GATA4: variants seen among roughly 807,000 people sequenced by gnomAD.
The protein encoded by GATA4 is GATA binding protein 4.
A neutral mutation model predicts 37.9 loss-of-function variants in GATA4; 7 were observed. That is an observed-to-expected ratio of 0.18 (90% CI 0.11 to 0.35). The LOEUF is 0.35. Among genes scored for constraint, GATA4 ranks in the 10% least tolerant of loss-of-function variants. GATA4 has a pLI of 1.00. For missense variants in GATA4, 647 were observed against 653.0 expected, an observed-to-expected ratio of 0.99 and a Z score of 0.10; for synonymous variants, 372 against 292.6, an observed-to-expected ratio of 1.27 and a Z score of -2.77.
chr8:11,739,005 G>C (rs1442172115), intron 2 of GATA4, among the ~76,000 whole-genome samples: 12 of 152,264 alleles, frequency 7.9e-5, no homozygotes, highest in African/African-American at 2.9e-4. Context: ...GGGAGGAACA[G>C]TTGGTGCCAC....
chr8:11,725,622 AG>A (rs1563211152), intron 2 of GATA4, among the ~76,000 whole-genome samples: 1 of 152,152 alleles, frequency 6.6e-6, no homozygotes, highest in Non-Finnish European at 1.5e-5. Context: ...GGGATGGCCA[AG>A]GTTCGTGAAA....
chr8:11,695,064 T>C (rs960680998), intron 1 of GATA4, among the ~76,000 whole-genome samples: 1 of 152,222 alleles, frequency 6.6e-6, no homozygotes, highest in Non-Finnish European at 1.5e-5. Flanking sequence ...CCCATCCATG[T>C]GAACATCGTG....
intron 2 of GATA4, among the ~76,000 whole-genome samples, chr8:11,728,355 A>G (rs531069264): frequency 5.3e-5 from 8 of 152,282 alleles, no homozygotes; most frequent in African/African-American, 1.9e-4. Context: ...TGAAAATAGT[A>G]TCTTTTTTGT....
chr8:11,686,720 C>T (rs921361845), intron 1 of GATA4, among the ~76,000 whole-genome samples: 9 of 152,192 alleles, frequency 5.9e-5, no homozygotes, highest in Non-Finnish European at 1.0e-4. Flanking sequence ...AATCCTCAGG[C>T]TGGGCGCAGT....
In GATA4 at chr8:11,749,653, G is replaced by T. The variant is rs950865716; in HGVS notation, c.787-458G>T. ...ACCAGCTTGCACTATATTAAGGAGGGAAGAACAGAGGGGATAAACCTGGTG... is the reference window on the plus strand; with the variant it reads ...ACCAGCTTGCACTATATTAAGGAGGTAAGAACAGAGGGGATAAACCTGGTG... On this transcript the variant is annotated intron_variant, in intron 3 of 6. Coordinates refer to ENST00000532059, the MANE Select transcript of GATA4 (RefSeq NM_001308093.3). This position sits in a 1 kb window ranked among gnomAD's most constrained non-coding sequence, Gnocchi z 4.6. 1.3e-5 allele frequency among the ~76,000 whole-genome samples: 2 copies of T among 152,208 alleles called. No individual in the cohort carries two copies. The highest frequency in any genetic ancestry group is 3.8e-4 in the East Asian group (2 of 5,202).
chr8:11,684,376 A>G (rs1335066920), intron 1 of GATA4, among the ~76,000 whole-genome samples: 1 of 152,260 alleles, frequency 6.6e-6, no homozygotes, highest in Non-Finnish European at 1.5e-5. Flanking sequence ...AATAAGGTGC[A>G]GGAATGTGCT....
At chr8:11,719,448 A>C (rs1227634937) in intron 2 of GATA4, among the ~76,000 whole-genome samples, 4 of 152,178 alleles carry the variant, frequency 2.6e-5, no homozygotes. Flanking sequence ...AAAAAAGAAA[A>C]TGCTTTCCAG....
intron 2 of GATA4, among the ~76,000 whole-genome samples, chr8:11,736,993 G>A (rs1419227876): frequency 6.6e-6 from 1 of 151,924 alleles, no homozygotes; most frequent in East Asian, 1.9e-4. Flanking sequence ...ACTGAACTTA[G>A]AACTAAACAG....
At chr8:11,681,937 C>T (rs891155946) in intron 1 of GATA4, among the ~76,000 whole-genome samples, 2 of 152,160 alleles carry the variant, frequency 1.3e-5, no homozygotes, top group Non-Finnish European at 2.9e-5. Flanking sequence ...GAGATCCTTG[C>T]CCCTCACAAT....
At chr8:11,723,538 C>A (rs1251530057) in intron 2 of GATA4, among the ~76,000 whole-genome samples, 1 of 152,100 alleles carries the variant, frequency 6.6e-6, no homozygotes, top group Non-Finnish European at 1.5e-5. Flanking sequence ...TATGAGTTTT[C>A]TCTTGCCAGG....
intron 2 of GATA4, among the ~76,000 whole-genome samples, chr8:11,710,192 CTGAT>C (rs1467990630): frequency 6.6e-6 from 1 of 152,160 alleles, no homozygotes; most frequent in Admixed American, 6.5e-5. Flanking sequence ...CGCCGGCAAA[CTGAT>C]TAACCCTGAA....
At chr8:11,734,158 T>C (rs906060992) in intron 2 of GATA4, among the ~76,000 whole-genome samples, 4 of 152,178 alleles carry the variant, frequency 2.6e-5, no homozygotes, top group Non-Finnish European at 5.9e-5. Flanking sequence ...CTAAAATATA[T>C]CTCCTATATC....
At chr8:11,733,031 G>T (rs1169533635) in intron 2 of GATA4, among the ~76,000 whole-genome samples, 3 of 152,056 alleles carry the variant, frequency 2.0e-5, no homozygotes, top group Non-Finnish European at 2.9e-5. Context: ...AATGAGATAG[G>T]AAAGAAAGCG....
chr8:11,688,109 T>C (rs991563906), upstream of GATA4, among the ~76,000 whole-genome samples: 5 of 152,214 alleles, frequency 3.3e-5, no homozygotes, highest in Non-Finnish European at 7.3e-5. Flanking sequence ...GAATTATTCA[T>C]CTCTCATTTA....
chr8:11,756,903 G>T (rs1240030040), intron 5 of GATA4, 32 bp from the exon 6 acceptor site: 1 of 1,614,082 alleles, frequency 6.2e-7, no homozygotes, highest in East Asian at 2.2e-5. Flanking sequence ...CCCTGCCGCT[G>T]ATTTGGGTGT....
chr8:11,744,190 C>T (rs2130282460), intron 2 of GATA4, among the ~76,000 whole-genome samples: 1 of 152,286 alleles, frequency 6.6e-6, no homozygotes, highest in South Asian at 2.1e-4. Context: ...TCCCCTCCTC[C>T]AATAACCAGC....
chr8:11,692,680 G>C, intron 1 of GATA4: 2 of 985,218 alleles, frequency 2.0e-6, no homozygotes, highest in Non-Finnish European at 2.4e-6. Flanking sequence ...GGGGTGCGGG[G>C]GTGAGGGGTG....
chr8:11,699,599 G>A (rs753068490), upstream of GATA4, among the ~76,000 whole-genome samples: 2 of 152,236 alleles, frequency 1.3e-5, no homozygotes, highest in Non-Finnish European at 2.9e-5. Flanking sequence ...AACATACATG[G>A]CGGCGCCTGC....
chr8:11,740,686 G>A (rs1280242924), intron 2 of GATA4, among the ~76,000 whole-genome samples: 1 of 152,034 alleles, frequency 6.6e-6, no homozygotes, highest in Non-Finnish European at 1.5e-5. Context: ...AAATAGAAAT[G>A]TAGAGCTCAC....
Sources: gnomAD v4.1 joint callset for allele counts (sites outside exome capture counted in the v4.1 genomes callset) on GRCh38, gnomAD v4.1.1 for gene constraint, Gnocchi (gnomAD v3.1) non-coding constraint, MANE v1.5 for transcripts, NCBI Gene and HGNC (gene_info 2026-07-23, HGNC 2026-07-21) for gene names.